Variants in SLC26A5 observed in about 807,000 individuals in gnomAD.
SLC26A5 encodes the protein solute carrier family 26 member 5, also known as prestin.
In SLC26A5, 51 loss-of-function variants were observed where a neutral mutation model predicts 81.0. The observed-to-expected ratio is 0.63, with a 90% confidence interval of 0.50 to 0.80. The LOEUF (loss-of-function observed/expected upper bound fraction) is 0.80. SLC26A5 is among the 30% of genes least tolerant of loss of function. SLC26A5 has a pLI of 0.00. For synonymous variants in SLC26A5, 325 were observed against 332.8 expected (o/e 0.98, Z 0.25); for missense variants, 771 against 905.8 (o/e 0.85, Z 1.91).
At chr7:103,384,352 C>T (rs1822023045) in intron 14 of SLC26A5, among the ~76,000 whole-genome samples, 1 of 151,284 alleles carries the variant, frequency 6.6e-6, no homozygotes, top group Non-Finnish European at 1.5e-5. Context: ...GTGGCTCATG[C>T]CTCTAATCCC....
chr7:103,397,299 T>C (rs1823196508), intron 9 of SLC26A5, among the ~76,000 whole-genome samples: 2 of 151,490 alleles, frequency 1.3e-5, no homozygotes, highest in Admixed American at 6.6e-5. Flanking sequence ...CCCAGCACTT[T>C]GGAAGGCCAA....
intron 5 of SLC26A5, among the ~76,000 whole-genome samples, chr7:103,412,542 GTTTTTTTTTTGT>G (rs1299583520): frequency 4.1e-5 from 5 of 121,668 alleles, no homozygotes; most frequent in African/African-American, 1.5e-4. Flanking sequence ...GAGGAGTGTA[GTTTTTTTTTTGT>G]TTTTTTTTTT....
intron 3 of SLC26A5, 42 bp downstream of exon 3, chr7:103,421,321 C>A: frequency 6.2e-7 from 1 of 1,610,414 alleles, no homozygotes; most frequent in Admixed American, 1.7e-5. Flanking sequence ...CCTCTCATAA[C>A]TGAATGATAC....
chr7:103,428,273 A>G (rs909819339), intron 2 of SLC26A5, among the ~76,000 whole-genome samples: 1 of 152,190 alleles, frequency 6.6e-6, no homozygotes, highest in Non-Finnish European at 1.5e-5. Flanking sequence ...GAGAAACGCA[A>G]TACTAATTTC....
At chr7:103,401,042 G>A (rs556211985) in intron 8 of SLC26A5, among the ~76,000 whole-genome samples, 139 of 152,256 alleles carry the variant, frequency 9.1e-4, no homozygotes, top group African/African-American at 3.3e-3. Context: ...TTGGCTATGC[G>A]GGCCCTTTTT....
chr7:103,361,483 C>T (rs1718557008), intron 19 of SLC26A5, among the ~76,000 whole-genome samples: 1 of 133,146 alleles, frequency 7.5e-6, no homozygotes, highest in South Asian at 2.3e-4. Flanking sequence ...GTGTTTCAGC[C>T]TGGGCAACAA....
intron 4 of SLC26A5, 105 bp from the exon 5 acceptor site, chr7:103,413,217 T>C: frequency 1.3e-6 from 1 of 797,406 alleles, no homozygotes; most frequent in Non-Finnish European, 2.1e-6. Context: ...GTGAAGCCCA[T>C]CTTAATTTAA....
intron 8 of SLC26A5, 132 bp downstream of exon 8, chr7:103,407,719 T>C (rs1824166003): frequency 9.8e-7 from 1 of 1,019,062 alleles, no homozygotes. Flanking sequence ...ATTTGTCAAA[T>C]TTGACAAATT....
intron 14 of SLC26A5, among the ~76,000 whole-genome samples, chr7:103,387,654 A>G (rs529522965): frequency 1.2e-3 from 181 of 152,334 alleles, no homozygotes; most frequent in Non-Finnish European, 2.2e-3. Flanking sequence ...CCAGGACCTG[A>G]CTAAAGTCCA....
At chr7:103,398,691 C>T (rs10229031) in intron 8 of SLC26A5, among the ~76,000 whole-genome samples, 114,907 of 152,038 alleles carry the variant, frequency 0.76, 43,888 homozygotes, top group Middle Eastern at 0.85. Context: ...ATTTGCTCCA[C>T]GCCCAGGAAC....
chr7:103,370,813 G>A (rs1429874589), downstream of SLC26A5, among the ~76,000 whole-genome samples: 3 of 152,282 alleles, frequency 2.0e-5, no homozygotes, highest in South Asian at 6.2e-4. Flanking sequence ...ATCAACCACT[G>A]TCATACTGCA....
chr7:103,374,212 C>T lies in SLC26A5; in HGVS notation c.*187G>A, dbSNP rs1563506670. On this transcript the variant is annotated 3_prime_UTR_variant, in exon 20 of 20. Transcript: ENST00000306312. ...AAATGCAGGCAACAGGCCAATTTAT[C>T]TTTGAAGTATTCAATTAAAAAAACA... 3 of 1,397,156 alleles carry T rather than the reference C, an allele frequency of 2.1e-6. No homozygotes were observed. Among genetic ancestry groups the T allele is most frequent in the Non-Finnish European group, 2.8e-6 (3 of 1,079,804 alleles). 86.5% of individuals were successfully genotyped at this position (1,397,156 alleles called of 1,614,324 possible).
At chr7:103,421,002 C>A (rs530981458) in intron 3 of SLC26A5, 125 bp from the exon 4 acceptor site, 2 of 1,030,184 alleles carry the variant, frequency 1.9e-6, no homozygotes, top group Non-Finnish European at 2.9e-6. Flanking sequence ...ATTGGTGATT[C>A]AAGATGTTGC....
chr7:103,429,779 C>T (rs187243301), intron 2 of SLC26A5, among the ~76,000 whole-genome samples: 4 of 152,340 alleles, frequency 2.6e-5, no homozygotes, highest in Non-Finnish European at 2.9e-5. Context: ...AAGTGCACAG[C>T]CTGGCATGCA....
chr7:103,421,697 A>G lies in SLC26A5; in HGVS notation c.-53-130T>C, dbSNP rs528530104. On this transcript the variant is annotated intron_variant, in intron 2 of 19. Transcript: ENST00000306312. ...TTGGACGCCCCAGAGGACCTAATGT[A>G]TTGATCTGTATATAGGAGGCAGTAA... 8 of 642,954 alleles carry G rather than the reference A, an allele frequency of 1.2e-5. No individual in the cohort carries two copies. The South Asian group carries it at 1.5e-4, about 12-fold the overall frequency. The allele number at this position is 642,954 out of a possible 1,614,324, so 39.8% of individuals were successfully genotyped here.
chr7:103,374,252 C>A lies in SLC26A5; in HGVS notation c.*147G>T. 1 of 1,463,640 alleles carries A rather than the reference C, an allele frequency of 6.8e-7. No homozygotes were observed. The highest frequency in any genetic ancestry group is 1.4e-5 in the South Asian group (1 of 69,504). 90.7% of individuals were successfully genotyped at this position (1,463,640 alleles called of 1,614,324 possible). A position where few individuals can be genotyped will look rare whatever the true frequency, so the allele number is the denominator to read the frequency against. ...TTAAAAAAACACAAGTACAATACAT[C>A]TTGCTAGGCGTCATTCACCCTCCAA... On this transcript the variant is annotated 3_prime_UTR_variant, in exon 20 of 20. Transcript: ENST00000306312.
At chr7:103,433,418 T>G (rs1826220276) in intron 2 of SLC26A5, 1 of 152,248 alleles carries the variant, frequency 6.6e-6, no homozygotes, top group South Asian at 2.1e-4. Context: ...AGCTTCGCCC[T>G]CTGTGTTGCT....
At chr7:103,440,692 T>G (rs1826810859) in intron 2 of SLC26A5, among the ~76,000 whole-genome samples, 1 of 152,226 alleles carries the variant, frequency 6.6e-6, no homozygotes, top group Non-Finnish European at 1.5e-5. Context: ...TTGTTTTGTT[T>G]GTTTACTGGC....
At chr7:103,358,814 A>G (rs1218529772) in intron 19 of SLC26A5, among the ~76,000 whole-genome samples, 1 of 152,138 alleles carries the variant, frequency 6.6e-6, no homozygotes, top group Non-Finnish European at 1.5e-5. Flanking sequence ...GAAACTTTTC[A>G]TATAGATTTT....
Sources: gnomAD v4.1 joint callset for allele counts (sites outside exome capture counted in the v4.1 genomes callset) on GRCh38, gnomAD v4.1.1 for gene constraint, MANE v1.5 for transcripts, NCBI Gene and HGNC (gene_info 2026-07-23, HGNC 2026-07-21) for gene names.